The following SCFD2 variants were observed in gnomAD, a reference collection of about 807,000 sequenced individuals.
The protein encoded by SCFD2 is sec1 family domain-containing protein 2.
In SCFD2, 54 loss-of-function variants were observed where a neutral mutation model predicts 58.9. The ratio of observed to expected loss-of-function variants is 0.92; its 90% CI spans 0.74 to 1.15. SCFD2 has a LOEUF of 1.15. Ranked by LOEUF, SCFD2 falls within the 50% of genes most tolerant of loss-of-function variation. The pLI is 0.00. For synonymous variants in SCFD2, 321 were observed against 335.9 expected (o/e 0.96, Z 0.49); for missense variants, 805 against 836.6 (o/e 0.96, Z 0.47).
chr4:53,324,798 A>C (rs978982507), intron 2 of SCFD2, among the ~76,000 whole-genome samples: 18 of 152,164 alleles, frequency 1.2e-4, no homozygotes, highest in African/African-American at 4.3e-4. Context: ...GTTCTGACTG[A>C]TAAGTTTGCA....
At chr4:52,947,659 C>T (rs538136288) in intron 5 of SCFD2, among the ~76,000 whole-genome samples, 1 of 151,948 alleles carries the variant, frequency 6.6e-6, no homozygotes, top group African/African-American at 2.4e-5. Flanking sequence ...ACCAAGATGG[C>T]ACTGAAATTC....
intron 3 of SCFD2, among the ~76,000 whole-genome samples, chr4:53,298,676 C>T (rs578262281): frequency 6.6e-6 from 1 of 152,184 alleles, no homozygotes; most frequent in African/African-American, 2.4e-5. Flanking sequence ...CCCGAGTAGC[C>T]TAACTGGGAG....
intron 4 of SCFD2, among the ~76,000 whole-genome samples, chr4:53,215,145 T>C (rs1278838003): frequency 3.3e-5 from 5 of 152,160 alleles, no homozygotes; most frequent in African/African-American, 1.2e-4. Context: ...GGCTCTTTTT[T>C]GGTTCCATAT....
chr4:53,177,478 T>C (rs1727376371), intron 4 of SCFD2, among the ~76,000 whole-genome samples: 2 of 151,872 alleles, frequency 1.3e-5, no homozygotes, highest in South Asian at 2.1e-4. Context: ...CAAAGTAAAT[T>C]GAGCAAAAAA....
chr4:53,253,124 A>G (rs999907534), intron 4 of SCFD2, among the ~76,000 whole-genome samples: 38 of 152,266 alleles, frequency 2.5e-4, no homozygotes, highest in Non-Finnish European at 4.6e-4. Flanking sequence ...TGCAGCCAAA[A>G]GACACATGAA....
At chr4:52,888,168 C>T (rs923511881) in intron 7 of SCFD2, among the ~76,000 whole-genome samples, 15 of 152,094 alleles carry the variant, frequency 9.9e-5, no homozygotes, top group African/African-American at 3.6e-4. Context: ...CCTCGGCCTC[C>T]CAATCAACAT....
chr4:53,043,662 A>G (rs1401282402), intron 5 of SCFD2, among the ~76,000 whole-genome samples: 1 of 152,178 alleles, frequency 6.6e-6, no homozygotes, highest in African/African-American at 2.4e-5. Context: ...TACTTTTAAT[A>G]TCGTTCCACT....
chr4:53,353,312 C>T (rs960563673), intron 1 of SCFD2, among the ~76,000 whole-genome samples: 1 of 152,182 alleles, frequency 6.6e-6, no homozygotes, highest in Non-Finnish European at 1.5e-5. Flanking sequence ...TTCGTGGTCT[C>T]ACTGGCCTTA....
chr4:53,078,320 G>A (rs767281415), intron 5 of SCFD2, among the ~76,000 whole-genome samples: 1 of 152,090 alleles, frequency 6.6e-6, no homozygotes, highest in Non-Finnish European at 1.5e-5. Flanking sequence ...TCTATTTGTT[G>A]TAGCAAATAT....
At chr4:53,354,006 C>T (rs112124703) in intron 1 of SCFD2, among the ~76,000 whole-genome samples, 17,530 of 152,334 alleles carry the variant, frequency 0.12, 1,086 homozygotes, top group East Asian at 0.16. Flanking sequence ...AACTCAAGAG[C>T]CCAGCTAGCT....
At chr4:53,249,042 A>T (rs557019747) in intron 4 of SCFD2, among the ~76,000 whole-genome samples, 1 of 152,322 alleles carries the variant, frequency 6.6e-6, no homozygotes, top group East Asian at 1.9e-4. Flanking sequence ...AAGGCAAAGA[A>T]GTTAAAAACT....
At chr4:53,007,952 G>T (rs781584348) in intron 5 of SCFD2, among the ~76,000 whole-genome samples, 35 of 152,162 alleles carry the variant, frequency 2.3e-4, no homozygotes, top group Non-Finnish European at 4.3e-4. Flanking sequence ...ACATGAGCTG[G>T]GCTCTAATGA....
At chr4:52,914,652 G>A (rs1719561705) in intron 6 of SCFD2, among the ~76,000 whole-genome samples, 1 of 152,044 alleles carries the variant, frequency 6.6e-6, no homozygotes, top group Non-Finnish European at 1.5e-5. Context: ...AGTGCCTTGG[G>A]CCCACATTCC....
chr4:53,148,946 G>A (rs1726422213), intron 4 of SCFD2, among the ~76,000 whole-genome samples: 1 of 152,184 alleles, frequency 6.6e-6, no homozygotes, highest in Non-Finnish European at 1.5e-5. Context: ...GAAGTTTGGG[G>A]CTGCAGTGAG....
chr4:52,960,451 C>A (rs1209547410), intron 5 of SCFD2, among the ~76,000 whole-genome samples: 3 of 151,690 alleles, frequency 2.0e-5, no homozygotes, highest in Non-Finnish European at 4.4e-5. Flanking sequence ...TCACCACAAC[C>A]TCCGCCTCCC....
At chr4:53,077,789 T>C (rs1178279615) in intron 5 of SCFD2, among the ~76,000 whole-genome samples, 1 of 152,218 alleles carries the variant, frequency 6.6e-6, no homozygotes, top group Non-Finnish European at 1.5e-5. Context: ...TAGGTCATCT[T>C]GTCCAATCCT....
chr4:52,972,311 G>A (rs918555405), intron 5 of SCFD2, among the ~76,000 whole-genome samples: 2 of 152,112 alleles, frequency 1.3e-5, no homozygotes, highest in Non-Finnish European at 1.5e-5. Flanking sequence ...AAAATAAAGG[G>A]ATGGAGGAAG....
chr4:52,927,958 G>T (rs898481054), intron 5 of SCFD2, among the ~76,000 whole-genome samples: 2 of 152,032 alleles, frequency 1.3e-5, no homozygotes, highest in African/African-American at 4.8e-5. Context: ...TATTTCTGAG[G>T]TTTTATATTT....
intron 5 of SCFD2, chr4:52,956,389 A>G (rs1720713310): frequency 2.7e-6 from 1 of 371,178 alleles, no homozygotes; most frequent in Non-Finnish European, 5.3e-6. Flanking sequence ...AGCTTAAATT[A>G]TCTTAAGGAA....
Sources: gnomAD v4.1 joint callset for allele counts (sites outside exome capture counted in the v4.1 genomes callset) on GRCh38, gnomAD v4.1.1 for gene constraint, MANE v1.5 for transcripts, NCBI Gene and HGNC (gene_info 2026-07-23, HGNC 2026-07-21) for gene names.